SGSM1: variants seen among roughly 807,000 people sequenced by gnomAD.
The protein encoded by SGSM1 is small G protein signaling modulator 1.
In SGSM1, 73 loss-of-function variants were observed where a neutral mutation model predicts 133.8. That is an observed-to-expected ratio of 0.55 (90% confidence interval 0.45 to 0.66). The LOEUF is 0.66. Among genes scored for constraint, SGSM1 ranks in the 30% least tolerant of loss-of-function variants. SGSM1 has a pLI of 0.00. For missense variants in SGSM1, 1,213 were observed against 1,448.1 expected, an observed-to-expected ratio of 0.84 and a Z score of 2.64; for synonymous variants, 563 against 573.0, an observed-to-expected ratio of 0.98 and a Z score of 0.25.
At chr22:24,833,582 C>A (rs531210197) in intron 2 of SGSM1, among the ~76,000 whole-genome samples, 1 of 151,844 alleles carries the variant, frequency 6.6e-6, no homozygotes, top group East Asian at 2.0e-4. Flanking sequence ...CAGTTGAACC[C>A]GGGAGGTGGA....
intron 23 of SGSM1, among the ~76,000 whole-genome samples, 174 bp from the exon 24 acceptor site, chr22:24,919,652 A>G (rs1933937203): frequency 6.6e-6 from 1 of 152,198 alleles, no homozygotes. Flanking sequence ...TGGTGGTCAA[A>G]TGACAGAGCC....
chr22:24,896,008 C>T (rs181738815), intron 18 of SGSM1, among the ~76,000 whole-genome samples: 1 of 152,254 alleles, frequency 6.6e-6, no homozygotes, highest in Non-Finnish European at 1.5e-5. Context: ...ATGATCACGC[C>T]ACTGCACTCC....
chr22:24,850,215 GCCAATTAGT>G, intron 4 of SGSM1, 56 bp from the exon 5 acceptor site: 2 of 1,443,930 alleles, frequency 1.4e-6, no homozygotes, highest in Non-Finnish European at 1.9e-6. Flanking sequence ...TCTCCCATTT[GCCAATTAGT>G]CCTGTGTAGA....
intron 2 of SGSM1, among the ~76,000 whole-genome samples, chr22:24,840,936 C>T (rs766375063): frequency 6.6e-5 from 10 of 152,116 alleles, no homozygotes; most frequent in Non-Finnish European, 1.2e-4. Flanking sequence ...CTGCAAGCTC[C>T]GCCACCCGGG....
At chr22:24,891,284 C>T (rs1050662203) in intron 16 of SGSM1, among the ~76,000 whole-genome samples, 8 of 152,100 alleles carry the variant, frequency 5.3e-5, no homozygotes, top group Non-Finnish European at 1.5e-5. Flanking sequence ...TGCTTGAGCC[C>T]AAGAGTTGGA....
In SGSM1 at chr22:24,855,807, C is replaced by T. The variant is rs1170123210; in HGVS notation, c.801+127C>T. The T allele has an allele frequency of 3.6e-6, 5 of 1,370,542 alleles. No homozygotes were observed. In the South Asian group the frequency reaches 6.1e-5, roughly 17 times the overall value. The allele number at this position is 1,370,542 out of a possible 1,614,324, so 84.9% of individuals were successfully genotyped here. On this transcript the variant is annotated intron_variant, in intron 8 of 24. Coordinates refer to ENST00000400358, the MANE Select transcript of SGSM1 (RefSeq NM_001098497.3). ...TTATGCACTCACCCATGCACACATC[C>T]ACCCGCCCAACACTCATTCATCCAT...
intron 2 of SGSM1, among the ~76,000 whole-genome samples, chr22:24,807,570 C>G (rs545294945): frequency 6.6e-6 from 1 of 151,960 alleles, no homozygotes; most frequent in African/African-American, 2.4e-5. Flanking sequence ...TTGTGTGTTG[C>G]CCTCCCCATT....
At chr22:24,922,324 G>T (rs1337084481) in intron 24 of SGSM1, among the ~76,000 whole-genome samples, 3 of 151,832 alleles carry the variant, frequency 2.0e-5, no homozygotes, top group African/African-American at 7.3e-5. Flanking sequence ...GCAACTGCAG[G>T]CGCCCGCCAC....
chr22:24,899,455 T>A (rs1443046750), intron 19 of SGSM1, among the ~76,000 whole-genome samples: 1 of 151,934 alleles, frequency 6.6e-6, no homozygotes, highest in Admixed American at 6.6e-5. Flanking sequence ...TCTTTCTTAG[T>A]CTACTCTCTT....
At chr22:24,854,965 T>C (rs758440302) in intron 5 of SGSM1, 31 bp from the exon 6 acceptor site, 6 of 1,596,928 alleles carry the variant, frequency 3.8e-6, no homozygotes, top group East Asian at 2.2e-5. Flanking sequence ...CTGGTCTCCA[T>C]CCAAACCTGC....
intron 14 of SGSM1, among the ~76,000 whole-genome samples, chr22:24,879,963 CTTAAATA>C (rs1160081913): frequency 6.6e-6 from 1 of 152,150 alleles, no homozygotes; most frequent in East Asian, 1.9e-4. Flanking sequence ...TCCCCCAAAA[CTTAAATA>C]TTAAATTCAT....
At chr22:24,877,802 C>CTTTTTTTTT (rs36036968) in intron 13 of SGSM1, among the ~76,000 whole-genome samples, 241 of 75,414 alleles carry the variant, frequency 3.2e-3, no homozygotes, top group Non-Finnish European at 4.6e-3. Context: ...TTCTTTCTTT[C>CTTTTTTTTT]TTTTTTTTTT....
In SGSM1 at chr22:24,864,941, T is replaced by G. The variant is rs376407769; in HGVS notation, c.927-2152T>G. On this transcript the variant is annotated intron_variant, in intron 9 of 24. Transcript: ENST00000400358. ...TACACTTCCTTGAGCCTCAGATTAT[T>G]TATCTGTAAGATGGGAATGTAGTCA... Among the ~76,000 whole-genome samples, 30 of 152,344 alleles carry G rather than the reference T, an allele frequency of 2.0e-4. No homozygotes were observed. In the East Asian group the frequency reaches 4.4e-3, roughly 23 times the overall value.
chr22:24,906,812 G>A (rs954208448), intron 21 of SGSM1, among the ~76,000 whole-genome samples: 13 of 152,032 alleles, frequency 8.6e-5, no homozygotes, highest in African/African-American at 2.2e-4. Context: ...ATAGCCAGGC[G>A]TGGTGGCGCA....
At chr22:24,916,943 A>G (rs552463189) in intron 22 of SGSM1, among the ~76,000 whole-genome samples, 2 of 152,024 alleles carry the variant, frequency 1.3e-5, no homozygotes, top group East Asian at 3.9e-4. Context: ...CAGTGGTGTA[A>G]TCATAGTTCA....
At chr22:24,861,867 G>A (rs937585962) in intron 9 of SGSM1, among the ~76,000 whole-genome samples, 5 of 150,084 alleles carry the variant, frequency 3.3e-5, no homozygotes, top group Non-Finnish European at 7.4e-5. Flanking sequence ...ATGGTTTCTC[G>A]TTTTGTCACC....
chr22:24,873,102 G>A (rs1351107787), intron 12 of SGSM1, among the ~76,000 whole-genome samples: 2 of 151,922 alleles, frequency 1.3e-5, no homozygotes, highest in African/African-American at 4.8e-5. Context: ...GGAATCACAG[G>A]CACAAGCCAC....
chr22:24,866,145 C>T (rs1931443464), intron 9 of SGSM1, among the ~76,000 whole-genome samples: 1 of 152,186 alleles, frequency 6.6e-6, no homozygotes, highest in Non-Finnish European at 1.5e-5. Flanking sequence ...TGTTTCAGGA[C>T]AGCAGCAAGG....
At chr22:24,818,161 G>C (rs1329968795) in intron 2 of SGSM1, among the ~76,000 whole-genome samples, 1 of 151,300 alleles carries the variant, frequency 6.6e-6, no homozygotes, top group African/African-American at 2.4e-5. Flanking sequence ...CAACCCAGGA[G>C]GCAGAGGTAG....
Sources: gnomAD v4.1 joint callset for allele counts (sites outside exome capture counted in the v4.1 genomes callset) on GRCh38, gnomAD v4.1.1 for gene constraint, MANE v1.5 for transcripts, NCBI Gene and HGNC (gene_info 2026-07-23, HGNC 2026-07-21) for gene names.